EEF1A2: variants seen among roughly 807,000 people sequenced by gnomAD.
EEF1A2 encodes eukaryotic translation elongation factor 1 alpha 2.
Under a neutral mutation model 39.3 loss-of-function variants are expected in EEF1A2, and 5 were observed. The ratio of observed to expected loss-of-function variants is 0.13; its 90% CI spans 0.07 to 0.27. The LOEUF (loss-of-function observed/expected upper bound fraction) is 0.27. Among genes scored for constraint, EEF1A2 ranks in the 10% least tolerant of loss-of-function variants. EEF1A2 has a pLI of 1.00. For synonymous variants in EEF1A2, 287 were observed against 293.7 expected, an observed-to-expected ratio of 0.98 and a Z score of 0.23; for missense variants, 218 against 681.4, an observed-to-expected ratio of 0.32 and a Z score of 7.57.
In EEF1A2 at chr20:63,495,121, G is replaced by T. The variant is rs772778154; in HGVS notation, c.325-20C>A. ...GTCCGCCTGCCCGGCAGGGGACACAGTGAGCCCTGCCCCGCCTGCCTGGCA... is the reference window on the plus strand; with the variant it reads ...GTCCGCCTGCCCGGCAGGGGACACATTGAGCCCTGCCCCGCCTGCCTGGCA... On this transcript the variant is annotated intron_variant, in intron 3 of 7. Transcript: ENST00000217182. 1.9e-6 allele frequency: 3 copies of T among 1,601,168 alleles called. No individual in the cohort carries two copies. The Admixed American group carries it at 5.0e-5, about 27-fold the overall frequency.
chr20:63,492,454 A>G (rs1212974212), intron 5 of EEF1A2, among the ~76,000 whole-genome samples: 1 of 143,402 alleles, frequency 7.0e-6, no homozygotes, highest in Admixed American at 6.9e-5. Context: ...CAATGGATGG[A>G]TGGATGGATG....
chr20:63,495,537 C>G (rs568779950), intron 3 of EEF1A2, among the ~76,000 whole-genome samples: 44 of 152,296 alleles, frequency 2.9e-4, no homozygotes, highest in South Asian at 1.2e-3. Context: ...GCACCTCTGC[C>G]CACTGCTCAC....
intron 7 of EEF1A2, 31 bp downstream of exon 7, chr20:63,488,887 G>A: frequency 6.2e-7 from 1 of 1,603,498 alleles, no homozygotes; most frequent in Non-Finnish European, 8.5e-7. Flanking sequence ...ACAGCCTGGG[G>A]GCTGCACCTC....
chr20:63,496,308 G>C (rs533980305), intron 2 of EEF1A2: 4 of 497,268 alleles, frequency 8.0e-6, no homozygotes, highest in Admixed American at 7.0e-5. Flanking sequence ...GGAGTCGCTC[G>C]CTCTACGAGC....
intron 4 of EEF1A2, among the ~76,000 whole-genome samples, chr20:63,494,484 G>A (rs956320359): frequency 3.9e-5 from 6 of 152,236 alleles, no homozygotes; most frequent in Admixed American, 6.5e-5. Context: ...GAAACCGACC[G>A]CCCCCATGGC....
chr20:63,491,867 TGG>T (rs1405244757), intron 5 of EEF1A2, among the ~76,000 whole-genome samples: 14 of 71,310 alleles, frequency 2.0e-4, no homozygotes, highest in Non-Finnish European at 4.6e-4. Flanking sequence ...GATGGGGAGG[TGG>T]ATGGATAGAT....
chr20:63,494,459 T>C (rs1023366403), intron 4 of EEF1A2, among the ~76,000 whole-genome samples: 4 of 152,182 alleles, frequency 2.6e-5, no homozygotes, highest in Admixed American at 6.5e-5. Flanking sequence ...ACCAGGACAA[T>C]GGCCTGGCAG....
At position 63,494,485 on chromosome 20, in the gene EEF1A2, C is replaced by T. The variant is rs554099095; in HGVS notation, c.621+320G>A. 2.2e-3 allele frequency among the ~76,000 whole-genome samples: 328 copies of T among 152,382 alleles called. 1 individual carries two copies. The highest frequency in any genetic ancestry group is 2.7e-3 in the Non-Finnish European group (184 of 68,032). On this transcript the variant is annotated intron_variant, in intron 4 of 7. Transcript: ENST00000217182. ...GGCCTGGCAGAGATGAAACCGACCG[C>T]CCCCATGGCAGGGCTCTGGAGACCA... is the stretch of plus-strand genomic sequence containing the variant.
chr20:63,495,304 G>C (rs188556781), intron 3 of EEF1A2, among the ~76,000 whole-genome samples: 1 of 152,252 alleles, frequency 6.6e-6, no homozygotes, highest in East Asian at 1.9e-4. Flanking sequence ...TCAGGGGACC[G>C]AGGTTCAGCC....
Position 63,497,488 on chromosome 20 carries a change from G to A in EEF1A2, c.144+132C>T, listed in dbSNP as rs2082423706. 1 of 1,415,334 alleles carries A rather than the reference G, an allele frequency of 7.1e-7. No homozygotes were observed. The highest frequency in any genetic ancestry group is 2.4e-5 in the Admixed American group (1 of 41,576). The allele number at this position is 1,415,334 out of a possible 1,614,324, so 87.7% of individuals were successfully genotyped here. On this transcript the variant is annotated intron_variant, in intron 2 of 7. Coordinates refer to ENST00000217182, the MANE Select transcript of EEF1A2 (RefSeq NM_001958.5). The surrounding 1 kb of genome is among the most constrained non-coding windows in gnomAD (Gnocchi z 7.3). ...CCCTCTGAGGCCTGAGTGCCCCACAGCGGGGGTCCCTCCTGCCCTGGAGGA... is the reference window on the plus strand; with the variant it reads ...CCCTCTGAGGCCTGAGTGCCCCACAACGGGGGTCCCTCCTGCCCTGGAGGA...
At chr20:63,489,241 G>A (rs2145938953) in intron 6 of EEF1A2, 89 bp from the exon 7 acceptor site, 12 of 1,358,330 alleles carry the variant, frequency 8.8e-6, no homozygotes, top group South Asian at 2.7e-5. Context: ...CCAGTCACCG[G>A]CGCCCCTGCA....
chr20:63,490,393 G>T, intron 6 of EEF1A2, 86 bp downstream of exon 6: 10 of 1,510,278 alleles, frequency 6.6e-6, no homozygotes, highest in Non-Finnish European at 8.9e-6. Context: ...CCCACGCCAG[G>T]CCACCTGCCG....
chr20:63,496,057 G>T, intron 2 of EEF1A2, 22 bp from the exon 3 acceptor site: 1 of 1,611,318 alleles, frequency 6.2e-7, no homozygotes, highest in Non-Finnish European at 8.5e-7. Flanking sequence ...GAGGGTCACG[G>T]CTGAGGGCGG....
In EEF1A2 at chr20:63,490,623, G is replaced by A; in HGVS notation, c.885C>T (p.His295=). 1 of 1,612,748 alleles carries A rather than the reference G, an allele frequency of 6.2e-7. No individual in the cohort carries two copies. The highest frequency in any genetic ancestry group is 1.1e-5 in the South Asian group (1 of 91,088). ...GCAGAGCTTCGCTCAGAGCCTCGTG[G>A]TGCATCTCCACTGACTTCACCTCAG... ...ITTEVKSVEM[H]HEALSEALPG... The change falls in exon 6 of 8, where the codon CAC becomes CAT. Residue 295 remains histidine, a synonymous_variant. Coordinates refer to ENST00000217182, the MANE Select transcript of EEF1A2 (RefSeq NM_001958.5).
At chr20:63,495,615 T>TGTCCCCC (rs1457801070) in intron 3 of EEF1A2, among the ~76,000 whole-genome samples, 2 of 152,218 alleles carry the variant, frequency 1.3e-5, no homozygotes, top group African/African-American at 4.8e-5. Context: ...TGCCCCCATC[T>TGTCCCCC]ATCTGGGGAC....
intron 5 of EEF1A2, among the ~76,000 whole-genome samples, chr20:63,491,756 G>GA (rs1248422064): frequency 2.0e-5 from 3 of 151,116 alleles, no homozygotes; most frequent in Non-Finnish European, 3.0e-5. Context: ...GGAGATGGAT[G>GA]GATGGATTGG....
intron 6 of EEF1A2, among the ~76,000 whole-genome samples, chr20:63,489,804 T>C (rs751417905): frequency 2.0e-5 from 3 of 152,172 alleles, no homozygotes; most frequent in Non-Finnish European, 2.9e-5. Context: ...AAATAAATCA[T>C]ATGAAGAGGC....
intron 6 of EEF1A2, chr20:63,490,089 A>T: frequency 6.7e-6 from 1 of 149,832 alleles, no homozygotes; most frequent in Non-Finnish European, 1.5e-5. Context: ...TTCTTTTGAG[A>T]CGAAGTCTCG....
intron 7 of EEF1A2, 38 bp downstream of exon 7, chr20:63,488,880 G>T (rs758367738): frequency 1.2e-6 from 2 of 1,600,610 alleles, no homozygotes; most frequent in Non-Finnish European, 8.5e-7. Context: ...ATCAGCCACA[G>T]CCTGGGGGCT....
Sources: gnomAD v4.1 joint callset for allele counts (sites outside exome capture counted in the v4.1 genomes callset) on GRCh38, gnomAD v4.1.1 for gene constraint, Gnocchi (gnomAD v3.1) non-coding constraint, MANE v1.5 for transcripts, NCBI Gene and HGNC (gene_info 2026-07-23, HGNC 2026-07-21) for gene names.